The following NRG1 variants were observed in gnomAD, a reference collection of about 807,000 sequenced individuals.
The protein encoded by NRG1 is neuregulin 1, also known as pro-neuregulin-1, membrane-bound isoform.
In NRG1, 18 loss-of-function variants were observed where a neutral mutation model predicts 63.8. The ratio of observed to expected loss-of-function variants is 0.28; its 90% CI spans 0.19 to 0.42. NRG1 has a LOEUF of 0.42. NRG1 is among the 10% of genes least tolerant of loss of function. NRG1 has a pLI of 1.00. For synonymous variants in NRG1, 302 were observed against 301.3 expected (o/e 1.00, Z -0.02); for missense variants, 762 against 814.7 (o/e 0.94, Z 0.79).
chr8:32,171,878 C>T (rs905355754), intron 1 of NRG1, among the ~76,000 whole-genome samples: 8 of 152,178 alleles, frequency 5.3e-5, no homozygotes, highest in African/African-American at 1.9e-4. Context: ...CCAACCGCAG[C>T]TCAAGGAGGC....
At chr8:32,108,953 C>T (rs1281512291) in intron 1 of NRG1, among the ~76,000 whole-genome samples, 1 of 152,074 alleles carries the variant, frequency 6.6e-6, no homozygotes, top group Non-Finnish European at 1.5e-5. Flanking sequence ...TTTGTCAAGG[C>T]AGCAATAAAA....
chr8:32,680,712 T>C (rs1277130810), intron 5 of NRG1, among the ~76,000 whole-genome samples: 1 of 152,130 alleles, frequency 6.6e-6, no homozygotes, highest in Admixed American at 6.6e-5. Flanking sequence ...TTACTCCCAA[T>C]GTAACCTGTG....
chr8:32,596,432 T>C (rs982691443), intron 2 of NRG1, among the ~76,000 whole-genome samples: 2 of 151,840 alleles, frequency 1.3e-5, no homozygotes, highest in Non-Finnish European at 2.9e-5. Context: ...GGTGAAACCC[T>C]GTCTCTACTA....
At chr8:31,663,514 T>C (rs187128039) in intron 1 of NRG1, among the ~76,000 whole-genome samples, 31 of 152,296 alleles carry the variant, frequency 2.0e-4, no homozygotes, top group African/African-American at 6.5e-4. Flanking sequence ...GTGTGTCTTA[T>C]ATTCCTGCTT....
intron 1 of NRG1, among the ~76,000 whole-genome samples, chr8:32,044,931 A>AG (rs1491195459): frequency 9.1e-5 from 12 of 131,652 alleles, no homozygotes; most frequent in African/African-American, 3.6e-4. Flanking sequence ...AAAAAAAAAA[A>AG]CACACACACA....
chr8:32,126,121 T>C (rs191881376), intron 1 of NRG1, among the ~76,000 whole-genome samples: 36 of 152,010 alleles, frequency 2.4e-4, no homozygotes, highest in African/African-American at 7.0e-4. Context: ...CAACAATTTA[T>C]TGAGTGAATA....
chr8:32,745,597 C>A (rs1408393116), intron 7 of NRG1, among the ~76,000 whole-genome samples: 6 of 151,962 alleles, frequency 3.9e-5, no homozygotes, highest in Admixed American at 3.9e-4. Flanking sequence ...CAAGGTTAGT[C>A]AGCTTCAAAT....
At chr8:32,173,180 A>G (rs1332805349) in intron 1 of NRG1, among the ~76,000 whole-genome samples, 2 of 152,200 alleles carry the variant, frequency 1.3e-5, no homozygotes, top group Admixed American at 6.5e-5. Flanking sequence ...AGTGGGGGCC[A>G]ATATTCAACA....
chr8:31,779,293 A>T (rs1225624172), intron 1 of NRG1, among the ~76,000 whole-genome samples: 1 of 152,134 alleles, frequency 6.6e-6, no homozygotes, highest in Non-Finnish European at 1.5e-5. Context: ...CTCAATAAAC[A>T]TTGCCTGTTA....
At chr8:31,986,034 C>A (rs1183137797) in intron 1 of NRG1, among the ~76,000 whole-genome samples, 1 of 152,150 alleles carries the variant, frequency 6.6e-6, no homozygotes, top group Non-Finnish European at 1.5e-5. Context: ...TAAGTGATCT[C>A]AGTCGAATCA....
intron 1 of NRG1, among the ~76,000 whole-genome samples, chr8:31,857,002 A>C (rs1383834818): frequency 6.6e-6 from 1 of 152,164 alleles, no homozygotes; most frequent in Non-Finnish European, 1.5e-5. Flanking sequence ...TGGGAGAACC[A>C]CTGCTCTCTT....
At chr8:32,715,601 T>G (rs770329104) in intron 5 of NRG1, among the ~76,000 whole-genome samples, 7 of 151,148 alleles carry the variant, frequency 4.6e-5, no homozygotes, top group Non-Finnish European at 8.8e-5. Flanking sequence ...TTTTCAGAAG[T>G]AAGGATTTCT....
chr8:31,866,437 A>G (rs970898532), intron 1 of NRG1, among the ~76,000 whole-genome samples: 6 of 152,134 alleles, frequency 3.9e-5, no homozygotes, highest in Admixed American at 3.9e-4. Context: ...TTTTTTTACT[A>G]TTAAATACAG....
intron 1 of NRG1, among the ~76,000 whole-genome samples, chr8:31,816,038 G>T (rs1049507161): frequency 2.0e-5 from 3 of 152,092 alleles, no homozygotes; most frequent in Admixed American, 1.3e-4. Flanking sequence ...AATTTTAGGA[G>T]TTCTCTATAT....
At chr8:31,963,872 CATTTTAATA>C (rs1175408090) in intron 1 of NRG1, among the ~76,000 whole-genome samples, 1 of 152,140 alleles carries the variant, frequency 6.6e-6, no homozygotes, top group Non-Finnish European at 1.5e-5. Context: ...TCAGTCATGC[CATTTTAATA>C]GGTGAATTGT....
intron 1 of NRG1, among the ~76,000 whole-genome samples, chr8:32,235,481 C>T (rs1290387674): frequency 1.3e-5 from 2 of 152,092 alleles, no homozygotes; most frequent in African/African-American, 4.8e-5. Context: ...ATCAGTGAAT[C>T]TCAAACATCT....
intron 1 of NRG1, among the ~76,000 whole-genome samples, chr8:31,906,272 C>T (rs569261073): frequency 7.9e-5 from 12 of 152,322 alleles, no homozygotes; most frequent in East Asian, 1.9e-4. Flanking sequence ...TGGCTATTTA[C>T]GACATGGCTT....
chr8:31,682,050 T>C (rs1019705223), intron 1 of NRG1, among the ~76,000 whole-genome samples: 1 of 152,150 alleles, frequency 6.6e-6, no homozygotes, highest in African/African-American at 2.4e-5. Flanking sequence ...GTATCTGTCA[T>C]TGTAGATTCC....
intron 1 of NRG1, among the ~76,000 whole-genome samples, chr8:32,248,225 A>C (rs1486490962): frequency 6.6e-6 from 1 of 152,106 alleles, no homozygotes; most frequent in African/African-American, 2.4e-5. Flanking sequence ...ATTGATTATA[A>C]TTTTTAAATA....
Sources: gnomAD v4.1 joint callset for allele counts (sites outside exome capture counted in the v4.1 genomes callset) on GRCh38, gnomAD v4.1.1 for gene constraint, MANE v1.5 for transcripts, NCBI Gene and HGNC (gene_info 2026-07-23, HGNC 2026-07-21) for gene names.